CHD1L: variants seen among roughly 807,000 people sequenced by gnomAD.
CHD1L encodes ATP-dependent chromatin remodeler CHD1L.
CHD1L carries 118 observed loss-of-function variants against 115.9 expected under a neutral mutation model. The ratio of observed to expected loss-of-function variants is 1.02; its 90% CI spans 0.88 to 1.19. The LOEUF is 1.19. Ranked by LOEUF, CHD1L falls within the 50% of genes most tolerant of loss-of-function variation. The pLI, the probability that CHD1L is intolerant of heterozygous loss-of-function variation, is 0.00. For synonymous variants in CHD1L, 411 were observed against 387.1 expected (o/e 1.06, Z -0.72); for missense variants, 1,179 against 1,065.3 (o/e 1.11, Z -1.49).
chr1:147,225,478 A>T, the CHD1L span: 2 of 167,882 alleles, frequency 1.2e-5, no homozygotes, highest in African/African-American at 4.8e-5. Context: ...CCCTCCCTCG[A>T]TGGGAATAAA....
intron 5 of CHD1L, among the ~76,000 whole-genome samples, chr1:147,258,588 T>G (rs1213445451): frequency 6.6e-6 from 1 of 152,208 alleles, no homozygotes; most frequent in Non-Finnish European, 1.5e-5. Flanking sequence ...CTGCACTCTC[T>G]TTGGACCCTC....
chr1:147,289,704 T>C (rs1446990935), intron 19 of CHD1L, among the ~76,000 whole-genome samples: 2 of 152,122 alleles, frequency 1.3e-5, no homozygotes, highest in African/African-American at 4.8e-5. Flanking sequence ...GGCAAGAGGA[T>C]CCCCAACTGC....
chr1:147,179,360 AT>A, the CHD1L span: 1 of 1,600,158 alleles, frequency 6.2e-7, no homozygotes, highest in Non-Finnish European at 8.6e-7. Context: ...GAGCCCAAGT[AT>A]AAAGAACTTG....
At chr1:147,225,188 G>T in the CHD1L span, 127 of 1,462,842 alleles carry the variant, frequency 8.7e-5, no homozygotes, top group Non-Finnish European at 1.1e-4. Context: ...CAGATTCGAC[G>T]GTCCTCTTCA....
intron 16 of CHD1L, among the ~76,000 whole-genome samples, chr1:147,285,072 A>T (rs1682537137): frequency 6.6e-6 from 1 of 152,190 alleles, no homozygotes; most frequent in Non-Finnish European, 1.5e-5. Context: ...ATGAATCAAA[A>T]TGACTGTTTC....
chr1:147,187,154 G>A, the CHD1L span: 124 of 1,614,134 alleles, frequency 7.7e-5, 1 homozygote, highest in African/African-American at 1.6e-3. Context: ...GCCAGAGACA[G>A]CAGATTGGGC....
At chr1:147,249,520 C>G (rs1355495899) in intron 1 of CHD1L, among the ~76,000 whole-genome samples, 3 of 149,892 alleles carry the variant, frequency 2.0e-5, no homozygotes, top group Non-Finnish European at 4.4e-5. Flanking sequence ...ATTTTCGTGC[C>G]TCAGCCTCCC....
chr1:147,190,904 A>G, the CHD1L span, among the ~76,000 whole-genome samples: 6 of 151,862 alleles, frequency 4.0e-5, no homozygotes, highest in South Asian at 2.1e-4. Context: ...TGATTGTTCA[A>G]TTCCCACCTA....
At chr1:147,245,818 C>T (rs1342555681) in intron 1 of CHD1L, among the ~76,000 whole-genome samples, 2 of 152,024 alleles carry the variant, frequency 1.3e-5, no homozygotes, top group Non-Finnish European at 2.9e-5. Context: ...GCTGGGACTA[C>T]AGGCATGAGT....
chr1:147,279,833 C>T (rs1236591002), intron 14 of CHD1L, among the ~76,000 whole-genome samples, 193 bp from the exon 15 acceptor site: 1 of 152,070 alleles, frequency 6.6e-6, no homozygotes, highest in African/African-American at 2.4e-5. Flanking sequence ...TCATTTATCA[C>T]CTCTCTGCTT....
chr1:147,182,921 C>T, the CHD1L span, among the ~76,000 whole-genome samples: 16 of 152,268 alleles, frequency 1.1e-4, no homozygotes, highest in South Asian at 4.2e-4. Context: ...CATACCAGGC[C>T]GGGCGTGGTG....
chr1:147,261,436 T>C (rs1465737597), intron 6 of CHD1L, among the ~76,000 whole-genome samples: 2 of 151,264 alleles, frequency 1.3e-5, no homozygotes, highest in African/African-American at 2.4e-5. Context: ...CTTAATCTTA[T>C]TCACGAGGGA....
intron 12 of CHD1L, among the ~76,000 whole-genome samples, chr1:147,272,973 G>A (rs1219861375): frequency 6.6e-6 from 1 of 151,798 alleles, no homozygotes; most frequent in African/African-American, 2.4e-5. Context: ...GCTGAGGTGG[G>A]TGGATCACTG....
At chr1:147,206,587 A>G in the CHD1L span, among the ~76,000 whole-genome samples, 4 of 152,220 alleles carry the variant, frequency 2.6e-5, no homozygotes, top group Admixed American at 1.3e-4. Flanking sequence ...GCAGCCATAA[A>G]AAATGATGAG....
chr1:147,176,970 A>G, the CHD1L span, among the ~76,000 whole-genome samples: 1 of 152,040 alleles, frequency 6.6e-6, no homozygotes, highest in East Asian at 1.9e-4. Flanking sequence ...ATGTGGATTC[A>G]TGTTTAATAC....
intron 15 of CHD1L, among the ~76,000 whole-genome samples, chr1:147,283,341 CATACTT>C (rs1261127459): frequency 3.3e-5 from 5 of 152,246 alleles, no homozygotes; most frequent in East Asian, 1.9e-4. Context: ...CTAGGGAAAA[CATACTT>C]ATAATGGATT....
At chr1:147,187,035 G>C in the CHD1L span, 2 of 1,614,044 alleles carry the variant, frequency 1.2e-6, no homozygotes, top group Admixed American at 1.7e-5. Flanking sequence ...CATCTGTGGT[G>C]AGGATAGCTT....
At chr1:147,277,076 C>T (rs1678769398) in intron 14 of CHD1L, among the ~76,000 whole-genome samples, 1 of 151,990 alleles carries the variant, frequency 6.6e-6, no homozygotes, top group Non-Finnish European at 1.5e-5. Flanking sequence ...TCAAAGATGG[C>T]TGTGAGGTTT....
chr1:147,263,755 C>CT (rs145436225), intron 6 of CHD1L, among the ~76,000 whole-genome samples: 2,131 of 151,480 alleles, frequency 0.014, 43 homozygotes, highest in African/African-American at 0.049. Context: ...AATTTAAGGA[C>CT]TTTTTTTTTC....
Sources: gnomAD v4.1 joint callset for allele counts (sites outside exome capture counted in the v4.1 genomes callset) on GRCh38, gnomAD v4.1.1 for gene constraint, MANE v1.5 for transcripts, NCBI Gene and HGNC (gene_info 2026-07-23, HGNC 2026-07-21) for gene names.